MYH14: variants seen among roughly 807,000 people sequenced by gnomAD.
MYH14 encodes the protein myosin heavy chain 14, also known as myosin-14.
A neutral mutation model predicts 255.5 loss-of-function variants in MYH14; 123 were observed. That is an observed-to-expected ratio of 0.48 (90% CI 0.42 to 0.56). The LOEUF (loss-of-function observed/expected upper bound fraction) is 0.56, where lower values mean the gene tolerates loss of function less well. MYH14 is among the 20% of genes least tolerant of loss of function. MYH14 has a pLI of 0.00. For synonymous variants in MYH14, 1,095 were observed against 1,161.2 expected (o/e 0.94, Z 1.16); for missense variants, 2,423 against 2,802.3 (o/e 0.86, Z 3.06).
chr19:50,247,119 A>G lies in MYH14; in HGVS notation c.1326A>G (p.Glu442=). 3 of 1,610,888 alleles carry G rather than the reference A, an allele frequency of 1.9e-6. No homozygotes were observed. The highest frequency in any genetic ancestry group is 2.5e-6 in the Non-Finnish European group (3 of 1,177,658). The change falls in exon 12 of 43, where the codon GAA becomes GAG. Residue 442 remains glutamate (E), a synonymous_variant. Coordinates refer to ENST00000642316, the MANE Select transcript of MYH14 (RefSeq NM_001145809.2). The part of the protein sequence containing the change: ...RDYVQKAQTK[E]QADFALEALA... ...ATGTGCAGAAAGCCCAGACTAAGGA[A>G]CAGGTAGGCGGGGCTGGCGGTGGGC... is the stretch of plus-strand genomic sequence containing the variant.
At chr19:50,233,737 C>T (rs997583895) in intron 10 of MYH14, among the ~76,000 whole-genome samples, 10 of 151,990 alleles carry the variant, frequency 6.6e-5, no homozygotes, top group Non-Finnish European at 1.5e-4. Flanking sequence ...GTCGCATCAC[C>T]CGATCTCTGC....
At chr19:50,277,490 C>T (rs575335749) in intron 29 of MYH14, among the ~76,000 whole-genome samples, 1 of 151,792 alleles carries the variant, frequency 6.6e-6, no homozygotes, top group Non-Finnish European at 1.5e-5. Flanking sequence ...CGCCTATAGT[C>T]CCAGCTACTT....
At chr19:50,253,809 C>A (rs551885639) in intron 16 of MYH14, among the ~76,000 whole-genome samples, 1 of 152,356 alleles carries the variant, frequency 6.6e-6, no homozygotes, top group African/African-American at 2.4e-5. Context: ...GCTGGCAGAA[C>A]TGGCATCCTG....
intron 25 of MYH14, 68 bp from the exon 26 acceptor site, chr19:50,271,781 C>T: frequency 6.3e-7 from 1 of 1,596,486 alleles, no homozygotes; most frequent in Non-Finnish European, 8.5e-7. Context: ...CCAGAAGCTG[C>T]AGATCAGGTA....
intron 16 of MYH14, among the ~76,000 whole-genome samples, chr19:50,254,414 A>G (rs570178492): frequency 7.9e-5 from 12 of 152,272 alleles, no homozygotes; most frequent in East Asian, 3.9e-4. Context: ...CAGGAACAGA[A>G]CCAGATTATG....
intron 12 of MYH14, among the ~76,000 whole-genome samples, chr19:50,247,624 G>A (rs1341828496): frequency 6.6e-6 from 1 of 152,188 alleles, no homozygotes; most frequent in Non-Finnish European, 1.5e-5. Flanking sequence ...CACCTGTGAA[G>A]GGGAGGTTTT....
chr19:50,250,725 G>A lies in MYH14; in HGVS notation c.1830+37G>A, dbSNP rs753119615. ...GGCCGGCCTTGGGGCATGTGGGAGT[G>A]GGGATCAAGGGATCTCCACTGGCTA... On this transcript the variant is annotated intron_variant, in intron 15 of 42. Coordinates refer to ENST00000642316, the MANE Select transcript of MYH14 (RefSeq NM_001145809.2). This position sits in a 1 kb window ranked among gnomAD's most constrained non-coding sequence, Gnocchi z 5.4. 6.3e-7 allele frequency: 1 copy of A among 1,581,592 alleles called. No homozygotes were observed. The highest frequency in any genetic ancestry group is 1.1e-5 in the South Asian group (1 of 86,970).
intron 10 of MYH14, among the ~76,000 whole-genome samples, chr19:50,234,260 C>T (rs2033553655): frequency 6.6e-6 from 1 of 152,154 alleles, no homozygotes; most frequent in Admixed American, 6.5e-5. Flanking sequence ...CATGATTCAA[C>T]CCGTAACAAG....
intron 15 of MYH14, among the ~76,000 whole-genome samples, chr19:50,251,567 C>CATATATATATATATAT (rs1568500704): frequency 2.5e-5 from 3 of 118,416 alleles, no homozygotes; most frequent in African/African-American, 9.7e-5. Flanking sequence ...CACACACACA[C>CATATATATATATATAT]ACATATATAT....
At chr19:50,292,891 C>T (rs1490366828) in intron 37 of MYH14, among the ~76,000 whole-genome samples, 3 of 151,260 alleles carry the variant, frequency 2.0e-5, no homozygotes, top group Non-Finnish European at 4.4e-5. Flanking sequence ...AGGGAGAAGG[C>T]TATGGTGAGG....
chr19:50,283,688 A>T (rs777782948), intron 33 of MYH14, among the ~76,000 whole-genome samples: 2 of 152,178 alleles, frequency 1.3e-5, no homozygotes, highest in Admixed American at 1.3e-4. Flanking sequence ...CTTATTTGCC[A>T]TCCATATATC....
rs1482795871 is a variant in MYH14, at chr19:50,293,600, G to A, written c.5382G>A (p.Gly1794=). 5 of 1,613,152 alleles carry A rather than the reference G, an allele frequency of 3.1e-6. No individual in the cohort carries two copies. The African/African-American group carries it at 5.3e-5, about 17-fold the overall frequency. The change falls in exon 39 of 43, where the codon GGG becomes GGA. Residue 1794 remains glycine (G), a synonymous_variant. Coordinates refer to ENST00000642316, the MANE Select transcript of MYH14 (RefSeq NM_001145809.2). The surrounding 1 kb of genome is among the most constrained non-coding windows in gnomAD (Gnocchi z 4.1). ...TGGAGGAGAAGCGTCAGCTGGAGGG[G>A]CGCCTGGGGCAGTTGGAGGAAGAGC... ...AILEEKRQLE[G]RLGQLEEELE... is the part of the protein sequence containing the mutation.
Position 50,301,662 on chromosome 19 carries a change from TA to T in MYH14, c.5472del (p.Glu1825SerfsTer3). The part of the protein sequence containing the change: ...NDRYRKLLLQ[V>X]ESLTTELSAE... ...TCCTTCCTTCCCCTCCTGCTACAGG[TA>T]GAGTCACTGACCACAGAGCTGTCAG... On this transcript the variant is annotated frameshift_variant and splice_region_variant, in exon 40 of 43. Coordinates refer to ENST00000642316, the MANE Select transcript of MYH14 (RefSeq NM_001145809.2). LOFTEE classifies it high-confidence loss of function. The T allele has an allele frequency of 6.2e-7, 1 of 1,611,782 alleles. No homozygotes were observed. The highest frequency in any genetic ancestry group is 1.1e-5 in the South Asian group (1 of 91,036).
intron 13 of MYH14, 148 bp downstream of exon 13, chr19:50,249,287 C>A: frequency 1.0e-6 from 1 of 980,946 alleles, no homozygotes; most frequent in South Asian, 1.8e-5. Flanking sequence ...GTCTCTGTCC[C>A]CCTCTCTCTG....
chr19:50,301,697 A>G lies in MYH14; in HGVS notation c.5506A>G (p.Ser1836Gly). 1 of 1,613,824 alleles carries G rather than the reference A, an allele frequency of 6.2e-7. No homozygotes were observed. Among genetic ancestry groups the G allele is most frequent in the Non-Finnish European group, 8.5e-7 (1 of 1,179,774 alleles). ...SLTTELSAERSFSAKAESGRQ... is the reference protein window; with the variant it reads ...SLTTELSAERGFSAKAESGRQ... ...GACCACAGAGCTGTCAGCTGAGCGC[A>G]GTTTCTCAGCCAAGGCAGAGAGCGG... Residue 1836 changes from serine (S) to glycine (G), a missense_variant, in exon 40 of 43, where the codon AGT becomes GGT. Ser to Gly is a moderately conservative substitution (Grantham distance 56). Around this residue, in one of 3 missense-constraint regions of MYH14, gnomAD observed 1,513 missense variants for 1,674.8 expected, o/e 0.90. Coordinates refer to ENST00000642316, the MANE Select transcript of MYH14 (RefSeq NM_001145809.2).
intron 16 of MYH14, 94 bp from the exon 17 acceptor site, chr19:50,255,119 TCCTGCCA>T: frequency 3.9e-6 from 3 of 774,068 alleles, no homozygotes; most frequent in Admixed American, 4.1e-5. Flanking sequence ...CTCTTTTTCT[TCCTGCCA>T]CCTCCTCTCC....
At chr19:50,302,475 G>C (rs1352275663) in intron 40 of MYH14, among the ~76,000 whole-genome samples, 1 of 151,548 alleles carries the variant, frequency 6.6e-6, no homozygotes, top group Admixed American at 6.6e-5. Context: ...CCCAGTTACT[G>C]GGGAGGCTGA....
intron 10 of MYH14, among the ~76,000 whole-genome samples, chr19:50,234,047 T>C (rs2033543125): frequency 6.6e-6 from 1 of 152,012 alleles, no homozygotes; most frequent in Non-Finnish European, 1.5e-5. Flanking sequence ...CTCGAACTGC[T>C]GACTTCAAGT....
At chr19:50,207,297 G>GAGAGAA (rs2031849807) in intron 1 of MYH14, among the ~76,000 whole-genome samples, 1 of 150,192 alleles carries the variant, frequency 6.7e-6, no homozygotes, top group Non-Finnish European at 1.5e-5. Flanking sequence ...GAGAGAGAGA[G>GAGAGAA]AGAGAGAGAG....
Sources: gnomAD v4.1 joint callset for allele counts (sites outside exome capture counted in the v4.1 genomes callset) on GRCh38, gnomAD v4.1.1 for gene constraint, gnomAD v4.1.1 regional missense constraint, Gnocchi (gnomAD v3.1) non-coding constraint, MANE v1.5 for transcripts, NCBI Gene and HGNC (gene_info 2026-07-23, HGNC 2026-07-21) for gene names.